Variants in LPP observed in about 807,000 individuals in gnomAD.
LPP encodes the protein LIM domain containing preferred translocation partner in lipoma, also known as lipoma-preferred partner.
In LPP, 38 loss-of-function variants were observed where a neutral mutation model predicts 60.4. That is an observed-to-expected ratio of 0.63 (90% CI 0.49 to 0.83). LPP has a LOEUF of 0.83. Ranked by LOEUF, LPP falls within the 40% of genes least tolerant of loss-of-function variation. The pLI is 0.00. For missense variants in LPP, 902 were observed against 783.6 expected (o/e 1.15, Z -1.80); for synonymous variants, 328 against 290.8 (o/e 1.13, Z -1.30).
At chr3:188,368,692 A>ACACT (rs1240481777) in intron 3 of LPP, among the ~76,000 whole-genome samples, 4 of 104,746 alleles carry the variant, frequency 3.8e-5, no homozygotes, top group Non-Finnish European at 7.2e-5. Flanking sequence ...TCACACACAC[A>ACACT]CACACACACA....
At chr3:188,320,445 A>G (rs1578085669) in intron 2 of LPP, among the ~76,000 whole-genome samples, 1 of 152,178 alleles carries the variant, frequency 6.6e-6, no homozygotes. Flanking sequence ...TTCTGTGTAT[A>G]CTTACCCAGT....
chr3:188,409,173 A>G (rs1202411851), intron 4 of LPP, among the ~76,000 whole-genome samples: 1 of 152,142 alleles, frequency 6.6e-6, no homozygotes, highest in Non-Finnish European at 1.5e-5. Context: ...AGTTTGGAAT[A>G]TGGTATAACT....
chr3:188,492,964 C>T (rs1206935920), intron 5 of LPP, among the ~76,000 whole-genome samples: 1 of 152,184 alleles, frequency 6.6e-6, no homozygotes, highest in African/African-American at 2.4e-5. Context: ...TTTATAACCA[C>T]ATCAGTAATA....
intron 1 of LPP, among the ~76,000 whole-genome samples, chr3:188,210,513 G>T (rs1032443593): frequency 6.6e-6 from 1 of 152,202 alleles, no homozygotes; most frequent in African/African-American, 2.4e-5. Context: ...TACCAATGGG[G>T]CAGGCACTGG....
intron 1 of LPP, among the ~76,000 whole-genome samples, chr3:188,216,187 T>C (rs2149248787): frequency 6.6e-6 from 1 of 152,272 alleles, no homozygotes; most frequent in East Asian, 1.9e-4. Flanking sequence ...ATATCTAATA[T>C]TTTAGTAATT....
intron 3 of LPP, among the ~76,000 whole-genome samples, chr3:188,381,994 C>T (rs935522639): frequency 2.0e-5 from 3 of 151,278 alleles, no homozygotes; most frequent in African/African-American, 2.4e-5. Flanking sequence ...TGCTATGTTG[C>T]TCAGGCTGGT....
intron 6 of LPP, among the ~76,000 whole-genome samples, chr3:188,582,395 T>C (rs1432598350): frequency 6.6e-6 from 1 of 151,732 alleles, no homozygotes; most frequent in Admixed American, 6.6e-5. Context: ...TGGCCAGTCT[T>C]GTCTCGAACT....
chr3:188,163,420 C>T (rs969237859), intron 1 of LPP, among the ~76,000 whole-genome samples: 3 of 152,144 alleles, frequency 2.0e-5, no homozygotes, highest in African/African-American at 7.2e-5. Flanking sequence ...ACTCAGGCCA[C>T]CACCCAGCAG....
chr3:188,297,243 C>G (rs751570296), intron 2 of LPP, among the ~76,000 whole-genome samples: 1 of 152,170 alleles, frequency 6.6e-6, no homozygotes, highest in Non-Finnish European at 1.5e-5. Context: ...TGCCAAGGTC[C>G]ATAGTGCAAG....
chr3:188,441,982 C>T (rs1794099006), intron 4 of LPP, among the ~76,000 whole-genome samples: 1 of 152,156 alleles, frequency 6.6e-6, no homozygotes, highest in Non-Finnish European at 1.5e-5. Context: ...AACTTCCTCA[C>T]AGACTCAGCT....
chr3:188,244,742 T>A lies in LPP; in HGVS notation c.-67+19215T>A, dbSNP rs575511378. 1.0e-3 allele frequency among the ~76,000 whole-genome samples: 159 copies of A among 152,278 alleles called. 2 individuals carry two copies. The highest frequency in any genetic ancestry group is 7.1e-3 in the Admixed American group (109 of 15,286). ...TCTCTCTCTGAGTAACCTAGGCTTT[T>A]AAAACACATCTCCTTTGGCTTAATC... On this transcript the variant is annotated intron_variant, in intron 2 of 11. Coordinates refer to ENST00000617246, the MANE Select transcript of LPP (RefSeq NM_001375462.1).
At chr3:188,368,917 G>T (rs1040379338) in intron 3 of LPP, among the ~76,000 whole-genome samples, 1 of 152,146 alleles carries the variant, frequency 6.6e-6, no homozygotes, top group Non-Finnish European at 1.5e-5. Flanking sequence ...GTGTGAAAGA[G>T]AGGGTCACCC....
At chr3:188,509,659 TTC>T (rs1560497249) in intron 5 of LPP, among the ~76,000 whole-genome samples, 65 of 34,374 alleles carry the variant, frequency 1.9e-3, no homozygotes, top group Admixed American at 5.4e-3. Flanking sequence ...CCTTCCTTCC[TTC>T]CTTCCTTCCT....
intron 6 of LPP, among the ~76,000 whole-genome samples, chr3:188,585,079 C>T (rs1439458299): frequency 6.6e-6 from 1 of 152,126 alleles, no homozygotes; most frequent in Admixed American, 6.5e-5. Context: ...TCTCAGAGCT[C>T]ATGTTTCAGA....
chr3:188,521,747 A>G lies in LPP; in HGVS notation c.307-2918A>G, dbSNP rs1278938203. ...AACATCACCCTGGCTTAGATAGAAC[A>G]TGTGATATTCTCTTCATTTTATAGA... On this transcript the variant is annotated intron_variant, in intron 5 of 11. Coordinates refer to ENST00000617246, the MANE Select transcript of LPP (RefSeq NM_001375462.1). Among the ~76,000 whole-genome samples the G allele has an allele frequency of 3.9e-5, 6 of 152,296 alleles. No homozygotes were observed. In the East Asian group the frequency reaches 1.2e-3, roughly 29 times the overall value.
At chr3:188,605,291 A>C (rs1053087518) in intron 6 of LPP, among the ~76,000 whole-genome samples, 1 of 152,152 alleles carries the variant, frequency 6.6e-6, no homozygotes, top group Non-Finnish European at 1.5e-5. Context: ...AAATGTGGAC[A>C]TATTTGTGAG....
intron 9 of LPP, among the ~76,000 whole-genome samples, chr3:188,776,485 TA>T (rs141973284): frequency 0.31 from 46,809 of 151,884 alleles, 7,730 homozygotes; most frequent in Middle Eastern, 0.39. Flanking sequence ...CTGGGAGAGG[TA>T]AAAAAATACC....
At chr3:188,433,606 G>GAC (rs1270220047) in intron 4 of LPP, among the ~76,000 whole-genome samples, 7 of 102,180 alleles carry the variant, frequency 6.9e-5, no homozygotes, top group African/African-American at 2.7e-4. Flanking sequence ...AAGTGAGAGA[G>GAC]AGAGAGAGAG....
At chr3:188,685,581 G>A (rs1001455274) in intron 7 of LPP, among the ~76,000 whole-genome samples, 2 of 152,134 alleles carry the variant, frequency 1.3e-5, no homozygotes, top group African/African-American at 4.8e-5. Flanking sequence ...GACCCGCATG[G>A]CAAGAATGCC....
Sources: allele counts gnomAD v4.1 joint callset (sites outside exome capture counted in the v4.1 genomes callset), GRCh38; gene constraint gnomAD v4.1.1; transcripts MANE v1.5; gene names NCBI Gene and HGNC (gene_info 2026-07-23, HGNC 2026-07-21).